KIF2B: variants seen among roughly 807,000 people sequenced by gnomAD.
KIF2B encodes the protein kinesin-like protein KIF2B.
In KIF2B, 5 loss-of-function variants were observed where a neutral mutation model predicts 6.8. That is an observed-to-expected ratio of 0.74 (90% confidence interval 0.39 to 1.55). KIF2B has a LOEUF of 1.55. Ranked by LOEUF, KIF2B falls within the 40% of genes most tolerant of loss-of-function variation. The pLI is 0.03. For missense variants in KIF2B, 908 were observed against 831.3 expected (o/e 1.09, Z -1.13); for synonymous variants, 370 against 330.7 (o/e 1.12, Z -1.29).
Position 53,823,329 on chromosome 17 carries a change from C to T in KIF2B, c.296C>T (p.Ala99Val), listed in dbSNP as rs2143778913. The T allele has an allele frequency of 1.2e-6, 2 of 1,614,176 alleles. No individual in the cohort carries two copies. Among genetic ancestry groups the T allele is most frequent in the Non-Finnish European group, 1.7e-6 (2 of 1,180,042 alleles). The change falls in exon 1 of 1, where the codon GCT (alanine) becomes GTT (valine). Residue 99 changes from alanine (A) to valine (V), a missense_variant. By Grantham distance (64) the Ala-to-Val change is moderately conservative. Transcript: ENST00000268919. ...PMPPPPLSPL[A>V]LAPSSAIRDQ... ...CCGCCCCCGCCCTTATCCCCCTTGG[C>T]TCTGGCGCCCTCTTCGGCCATCAGG...
At position 53,824,052 on chromosome 17, in the gene KIF2B, T is replaced by A. The variant is rs761492686; in HGVS notation, c.1019T>A (p.Leu340His). The part of the protein sequence containing the change: ...ALVAQDVFLL[L>H]RNSTYEKLDL... ...GTGGCACAGGATGTCTTTCTCCTGC[T>A]CAGAAACTCCACATATGAGAAGCTG... The change falls in exon 1 of 1, where the codon CTC becomes CAC. Residue 340 changes from leucine (L) to histidine (H), a missense_variant. Physicochemically the swap from Leu to His is moderately conservative, Grantham distance 99. Coordinates refer to ENST00000268919, the MANE Select transcript of KIF2B (RefSeq NM_032559.5). 1.4e-5 allele frequency: 23 copies of A among 1,614,094 alleles called. No individual in the cohort carries two copies. The highest frequency in any genetic ancestry group is 1.9e-5 in the Non-Finnish European group (23 of 1,180,046).
Sources: gnomAD v4.1 joint callset for allele counts on GRCh38, gnomAD v4.1.1 for gene constraint, MANE v1.5 for transcripts, NCBI Gene and HGNC (gene_info 2026-07-23, HGNC 2026-07-21) for gene names.